Variants in PDCD6 observed in about 807,000 individuals in gnomAD.
PDCD6 encodes programmed cell death 6, also known as programmed cell death protein 6.
In PDCD6, 12 loss-of-function variants were observed where a neutral mutation model predicts 28.3. The ratio of observed to expected loss-of-function variants is 0.42; its 90% CI spans 0.27 to 0.69. PDCD6 has a LOEUF of 0.69. PDCD6 is among the 30% of genes least tolerant of loss of function. The probability of loss-of-function intolerance (pLI) is 0.22; values close to 1 mark genes in which losing one functional copy is unlikely to be tolerated. For synonymous variants in PDCD6, 92 were observed against 108.0 expected (o/e 0.85, Z 0.92); for missense variants, 226 against 269.9 (o/e 0.84, Z 1.14).
rs1579506712 is a variant in PDCD6, at chr5:290,295, C to T, written c.164-13882C>T. The T allele has an allele frequency of 2.6e-5, 36 of 1,388,432 alleles. 1 individual carries two copies. The highest frequency in any genetic ancestry group is 4.2e-5 in the African/African-American group (3 of 71,242). The allele number at this position is 1,388,432 out of a possible 1,614,324, so 86.0% of individuals were successfully genotyped here. A position where few individuals can be genotyped will look rare whatever the true frequency, so the allele number is the denominator to read the frequency against. ...TTCCCCTCTTCTCAAAATCTTTCAGCGCCTCCTGGAGACTCTCAACGTCCA... is the reference window on the plus strand; with the variant it reads ...TTCCCCTCTTCTCAAAATCTTTCAGTGCCTCCTGGAGACTCTCAACGTCCA... On this transcript the variant is annotated intron_variant, in intron 2 of 5. Coordinates refer to ENST00000264933, the MANE Select transcript of PDCD6 (RefSeq NM_013232.4).
intron 5 of PDCD6, among the ~76,000 whole-genome samples, chr5:314,042 C>G (rs1741106613): frequency 6.6e-6 from 1 of 152,212 alleles, no homozygotes; most frequent in Non-Finnish European, 1.5e-5. Flanking sequence ...CTGCACATGC[C>G]CCAGGTGGCC....
intron 3 of PDCD6, chr5:304,849 G>A (rs1740363183): frequency 1.3e-5 from 2 of 152,280 alleles, no homozygotes; most frequent in Admixed American, 1.3e-4. Flanking sequence ...TGTATAGGCA[G>A]CTGGGTTTTT....
chr5:278,276 A>C (rs1738333141), intron 2 of PDCD6, among the ~76,000 whole-genome samples: 1 of 152,220 alleles, frequency 6.6e-6, no homozygotes, highest in African/African-American at 2.4e-5. Context: ...TTCATGTGCC[A>C]GACCCTGTCC....
At chr5:275,735 T>G (rs933840539) in intron 2 of PDCD6, among the ~76,000 whole-genome samples, 3 of 152,230 alleles carry the variant, frequency 2.0e-5, no homozygotes, top group Non-Finnish European at 4.4e-5. Context: ...GCAGTGGGCA[T>G]TGCTGTCGGT....
At chr5:306,827 T>C (rs1740528294) in intron 4 of PDCD6, 67 bp downstream of exon 4, 3 of 1,502,692 alleles carry the variant, frequency 2.0e-6, no homozygotes, top group Non-Finnish European at 2.8e-6. Context: ...TGAAGTTCTT[T>C]AAACCTTGTT....
chr5:289,126 G>T (rs186607237), intron 2 of PDCD6: 26 of 1,153,838 alleles, frequency 2.3e-5, no homozygotes, highest in Non-Finnish European at 3.2e-5. Flanking sequence ...TTTCTTTCCG[G>T]GATCATTTCT....
chr5:279,204 C>T (rs573452330), intron 2 of PDCD6, among the ~76,000 whole-genome samples: 3 of 138,636 alleles, frequency 2.2e-5, no homozygotes, highest in Admixed American at 6.9e-5. Context: ...TTCATTCCCC[C>T]CTAAGAGTAT....
chr5:278,667 C>T (rs370973658), intron 2 of PDCD6, among the ~76,000 whole-genome samples: 17 of 150,628 alleles, frequency 1.1e-4, no homozygotes, highest in African/African-American at 3.7e-4. Flanking sequence ...AAACCGAGAT[C>T]GTGCCATTGC....
intron 4 of PDCD6, chr5:308,531 G>A (rs1740675883): frequency 6.6e-6 from 1 of 152,214 alleles, no homozygotes; most frequent in Non-Finnish European, 1.5e-5. Flanking sequence ...TCCTGCGTTT[G>A]GTTCTTGATC....
chr5:289,454 A>G (rs1679628135), intron 2 of PDCD6: 2 of 700,874 alleles, frequency 2.9e-6, no homozygotes, highest in African/African-American at 1.8e-5. Context: ...TGCCGGGTAC[A>G]ACGGCTTTCT....
intron 1 of PDCD6, 77 bp from the exon 2 acceptor site, chr5:272,634 A>G (rs1373706686): frequency 1.3e-6 from 2 of 1,520,160 alleles, no homozygotes; most frequent in East Asian, 2.3e-5. Flanking sequence ...GAGTCGGTGC[A>G]GGGTTGACAG....
chr5:285,194 G>C (rs1738866802), intron 2 of PDCD6, among the ~76,000 whole-genome samples: 1 of 150,690 alleles, frequency 6.6e-6, no homozygotes, highest in Admixed American at 6.6e-5. Flanking sequence ...ACCCAGAGGG[G>C]AGCAGACGTT....
chr5:297,557 C>T (rs1739696763), intron 2 of PDCD6, among the ~76,000 whole-genome samples: 1 of 152,302 alleles, frequency 6.6e-6, no homozygotes, highest in South Asian at 2.1e-4. Flanking sequence ...GAGACTTGAC[C>T]TGAGCAAACA....
At position 272,812 on chromosome 5, in the gene PDCD6, G is replaced by A. The variant is rs745789150; in HGVS notation, c.163+40G>A. 38 of 1,555,946 alleles carry A rather than the reference G, an allele frequency of 2.4e-5. 3 individuals carry two copies. The East Asian group carries it at 4.5e-4, about 18-fold the overall frequency. On this transcript the variant is annotated intron_variant, in intron 2 of 5. Transcript: ENST00000264933. ...GGGAACTGGGTCTCCGGACCAAGAAGCCGCGAGCCTGCCCTGTTCACAGTG... is the reference window on the plus strand; with the variant it reads ...GGGAACTGGGTCTCCGGACCAAGAAACCGCGAGCCTGCCCTGTTCACAGTG...
At chr5:294,609 G>A (rs1264890527) in intron 2 of PDCD6, among the ~76,000 whole-genome samples, 4 of 152,374 alleles carry the variant, frequency 2.6e-5, no homozygotes, top group African/African-American at 9.6e-5. Flanking sequence ...AATGGGAGGG[G>A]TCCCGCCATG....
chr5:287,938 G>A (rs1294382480), intron 2 of PDCD6, among the ~76,000 whole-genome samples: 1 of 152,182 alleles, frequency 6.6e-6, no homozygotes, highest in African/African-American at 2.4e-5. Context: ...CCTCATATCA[G>A]CTTCATAAAC....
At chr5:306,093 G>A (rs2126765610) in intron 3 of PDCD6, 1 of 162,616 alleles carries the variant, frequency 6.1e-6, no homozygotes, top group African/African-American at 2.4e-5. Flanking sequence ...ACATAGGCGA[G>A]GGTCTGTTTC....
intron 2 of PDCD6, among the ~76,000 whole-genome samples, chr5:302,265 C>A (rs1371926299): frequency 8.2e-5 from 11 of 133,668 alleles, no homozygotes; most frequent in Non-Finnish European, 1.6e-4. Context: ...AGCTTCCCTG[C>A]ATAACTGCTG....
At chr5:286,641 C>T (rs560522110) in intron 2 of PDCD6, among the ~76,000 whole-genome samples, 2 of 151,124 alleles carry the variant, frequency 1.3e-5, no homozygotes, top group Admixed American at 6.6e-5. Flanking sequence ...CAGGGCCATG[C>T]ATCTTGAGAC....
Sources: gnomAD v4.1 joint callset for allele counts (sites outside exome capture counted in the v4.1 genomes callset) on GRCh38, gnomAD v4.1.1 for gene constraint, MANE v1.5 for transcripts, NCBI Gene and HGNC (gene_info 2026-07-23, HGNC 2026-07-21) for gene names.